The following NKAIN2 variants were observed in gnomAD, a reference collection of about 807,000 sequenced individuals.
The protein encoded by NKAIN2 is sodium/potassium-transporting ATPase subunit beta-1-interacting protein 2.
In NKAIN2, 14 loss-of-function variants were observed where a neutral mutation model predicts 32.6. That is an observed-to-expected ratio of 0.43 (90% confidence interval 0.28 to 0.67). NKAIN2 has a LOEUF of 0.67. Among genes scored for constraint, NKAIN2 ranks in the 30% least tolerant of loss-of-function variants. The pLI, the probability that NKAIN2 is intolerant of heterozygous loss-of-function variation, is 0.17. For synonymous variants in NKAIN2, 80 were observed against 87.2 expected, an observed-to-expected ratio of 0.92 and a Z score of 0.46; for missense variants, 198 against 258.3, an observed-to-expected ratio of 0.77 and a Z score of 1.60.
intron 5 of NKAIN2, among the ~76,000 whole-genome samples, chr6:124,814,362 A>G (rs1781049871): frequency 6.6e-6 from 1 of 152,172 alleles, no homozygotes; most frequent in Non-Finnish European, 1.5e-5. Flanking sequence ...TATGCCCTCT[A>G]CTTCTGATTT....
intron 1 of NKAIN2, among the ~76,000 whole-genome samples, chr6:123,917,432 C>T (rs1461731970): frequency 6.6e-5 from 10 of 152,002 alleles, no homozygotes; most frequent in Non-Finnish European, 1.3e-4. Flanking sequence ...AGAATGTGTA[C>T]GTTTAGGCAA....
At chr6:124,221,616 AGTT>A (rs931602683) in intron 1 of NKAIN2, among the ~76,000 whole-genome samples, 5 of 152,164 alleles carry the variant, frequency 3.3e-5, no homozygotes, top group Non-Finnish European at 7.4e-5. Context: ...TACCAGTAAG[AGTT>A]GTTGTTACCC....
At chr6:124,436,304 G>C (rs1394086042) in intron 3 of NKAIN2, among the ~76,000 whole-genome samples, 1 of 152,074 alleles carries the variant, frequency 6.6e-6, no homozygotes, top group Non-Finnish European at 1.5e-5. Flanking sequence ...GCCTTTCTCA[G>C]CTCCTTCCTC....
chr6:123,830,072 A>T (rs1377128687), intron 1 of NKAIN2, among the ~76,000 whole-genome samples: 1 of 152,154 alleles, frequency 6.6e-6, no homozygotes, highest in Non-Finnish European at 1.5e-5. Context: ...CCAAGGAATC[A>T]TTCCTGACTT....
chr6:124,245,809 A>G (rs2114791521), intron 1 of NKAIN2, among the ~76,000 whole-genome samples: 1 of 152,198 alleles, frequency 6.6e-6, no homozygotes, highest in South Asian at 2.1e-4. Context: ...ATACTTCAGT[A>G]TCAAATCTGT....
intron 1 of NKAIN2, among the ~76,000 whole-genome samples, chr6:124,047,056 G>A (rs1332676183): frequency 2.0e-5 from 3 of 151,910 alleles, no homozygotes; most frequent in African/African-American, 7.2e-5. Context: ...CCCAATCTTA[G>A]GTTTGGGGCA....
In NKAIN2 at chr6:124,275,659, C is replaced by T. The variant is rs895192651; in HGVS notation, c.55-7346C>T. Among the ~76,000 whole-genome samples the T allele has an allele frequency of 9.8e-4, 149 of 152,166 alleles. 2 individuals are homozygous for T. The highest frequency in any genetic ancestry group is 3.6e-3 in the African/African-American group (148 of 41,532). ...AACATTTCTCAAGAAAGACCCCCTCCAAATACTTGAGGTTATTTAGGAATA... is the reference window on the plus strand; with the variant it reads ...AACATTTCTCAAGAAAGACCCCCTCTAAATACTTGAGGTTATTTAGGAATA... On this transcript the variant is annotated intron_variant, in intron 1 of 6. Transcript: ENST00000368417.
intron 1 of NKAIN2, among the ~76,000 whole-genome samples, chr6:123,997,291 T>A (rs1260024737): frequency 6.6e-6 from 1 of 152,242 alleles, no homozygotes; most frequent in Non-Finnish European, 1.5e-5. Context: ...TCTATAAACA[T>A]GGCCAACTAG....
At chr6:124,037,304 G>A (rs1162454177) in intron 1 of NKAIN2, among the ~76,000 whole-genome samples, 1 of 152,112 alleles carries the variant, frequency 6.6e-6, no homozygotes, top group Admixed American at 6.6e-5. Flanking sequence ...GAAGGAAGCT[G>A]TATCTTTGGT....
intron 1 of NKAIN2, among the ~76,000 whole-genome samples, chr6:124,273,595 G>A (rs1208192722): frequency 6.6e-6 from 1 of 152,172 alleles, no homozygotes; most frequent in African/African-American, 2.4e-5. Context: ...ACATGAATAT[G>A]TCTGATTCAT....
intron 4 of NKAIN2, among the ~76,000 whole-genome samples, chr6:124,697,473 A>C (rs138765291): frequency 2.6e-5 from 4 of 152,152 alleles, no homozygotes; most frequent in Non-Finnish European, 5.9e-5. Context: ...TTATTTTTTC[A>C]TATCGCAGTT....
intron 1 of NKAIN2, among the ~76,000 whole-genome samples, chr6:124,000,312 A>G (rs1210962568): frequency 1.3e-5 from 2 of 152,130 alleles, no homozygotes; most frequent in Non-Finnish European, 2.9e-5. Context: ...AATTTTAATG[A>G]ATGCAAATGA....
intron 1 of NKAIN2, among the ~76,000 whole-genome samples, chr6:124,026,921 C>G (rs537715604): frequency 4.1e-4 from 62 of 152,220 alleles, no homozygotes; most frequent in South Asian, 3.3e-3. Context: ...GTCTCCTGCT[C>G]CACTGAAGCT....
At chr6:124,596,646 GAA>G (rs1454583096) in intron 3 of NKAIN2, among the ~76,000 whole-genome samples, 1 of 148,720 alleles carries the variant, frequency 6.7e-6, no homozygotes, top group Non-Finnish European at 1.5e-5. Context: ...CAGAGAAACA[GAA>G]CAAATAAACC....
intron 1 of NKAIN2, among the ~76,000 whole-genome samples, chr6:124,208,244 C>T (rs979245261): frequency 4.6e-5 from 7 of 151,876 alleles, no homozygotes; most frequent in African/African-American, 1.7e-4. Context: ...GATAATAATA[C>T]TTCAAAGAGT....
rs570864909 is a variant in NKAIN2, at chr6:124,274,508, T to C, written c.55-8497T>C. ...AAAACAATACCATAAGGTTCCCCTG[T>C]GTTCAGTTGCTAATGATATGTGGTT... On this transcript the variant is annotated intron_variant, in intron 1 of 6. Transcript: ENST00000368417. Among the ~76,000 whole-genome samples, 226 of 152,240 alleles carry C rather than the reference T, an allele frequency of 1.5e-3. 1 individual carries two copies. The highest frequency in any genetic ancestry group is 3.1e-4 in the Non-Finnish European group (21 of 67,966).
At chr6:124,144,712 T>C (rs1787307554) in intron 1 of NKAIN2, among the ~76,000 whole-genome samples, 1 of 152,014 alleles carries the variant, frequency 6.6e-6, no homozygotes, top group Non-Finnish European at 1.5e-5. Context: ...ATGCTCACAA[T>C]CTAGGGGCAG....
intron 3 of NKAIN2, among the ~76,000 whole-genome samples, chr6:124,638,557 G>T (rs1783858072): frequency 6.6e-6 from 1 of 151,904 alleles, no homozygotes; most frequent in Non-Finnish European, 1.5e-5. Context: ...AAATGACTCA[G>T]CAACAACAAC....
chr6:124,459,162 A>G (rs1776433710), intron 3 of NKAIN2, among the ~76,000 whole-genome samples: 1 of 151,844 alleles, frequency 6.6e-6, no homozygotes, highest in Admixed American at 6.6e-5. Context: ...AGGCAAAGAG[A>G]GGAGGAGTCC....
Sources: allele counts gnomAD v4.1 joint callset (sites outside exome capture counted in the v4.1 genomes callset), GRCh38; gene constraint gnomAD v4.1.1; transcripts MANE v1.5; gene names NCBI Gene and HGNC (gene_info 2026-07-23, HGNC 2026-07-21).